Variants in RBFOX1 observed in about 807,000 individuals in gnomAD.
RBFOX1 encodes the protein RNA binding fox-1 homolog 1.
In RBFOX1, 8 loss-of-function variants were observed where a neutral mutation model predicts 57.7. The observed-to-expected ratio is 0.14, with a 90% CI of 0.08 to 0.25. The LOEUF (loss-of-function observed/expected upper bound fraction) is 0.25. Among genes scored for constraint, RBFOX1 ranks in the 10% least tolerant of loss-of-function variants. The probability of loss-of-function intolerance (pLI) is 1.00; values close to 1 mark genes in which losing one functional copy is unlikely to be tolerated. For missense variants in RBFOX1, 611 were observed against 548.5 expected, an observed-to-expected ratio of 1.11 and a Z score of -1.14; for synonymous variants, 326 against 222.4, an observed-to-expected ratio of 1.47 and a Z score of -4.15.
intron 3 of RBFOX1, among the ~76,000 whole-genome samples, chr16:5,777,886 C>T (rs918813101): frequency 6.6e-6 from 1 of 152,176 alleles, no homozygotes; most frequent in Non-Finnish European, 1.5e-5. Context: ...AAGTAGGCAT[C>T]TCTTCCATTT....
intron 4 of RBFOX1, among the ~76,000 whole-genome samples, chr16:7,123,441 T>C (rs887202832): frequency 8.5e-5 from 13 of 152,188 alleles, no homozygotes; most frequent in Non-Finnish European, 1.9e-4. Flanking sequence ...TACAGCTCAC[T>C]GTAACCTTGA....
At chr16:7,414,328 A>C (rs2149188019) in intron 4 of RBFOX1, among the ~76,000 whole-genome samples, 1 of 152,346 alleles carries the variant, frequency 6.6e-6, no homozygotes, top group Non-Finnish European at 1.5e-5. Flanking sequence ...AGTGGTACAA[A>C]GTTGGAGTAA....
chr16:5,278,121 A>C (rs1596372775), intron 1 of RBFOX1, among the ~76,000 whole-genome samples: 1 of 152,330 alleles, frequency 6.6e-6, no homozygotes, highest in East Asian at 1.9e-4. Flanking sequence ...CATTGCCACC[A>C]ACAATATACA....
intron 1 of RBFOX1, among the ~76,000 whole-genome samples, chr16:6,145,515 G>T (rs1409612672): frequency 6.6e-6 from 1 of 151,886 alleles, no homozygotes; most frequent in East Asian, 1.9e-4. Context: ...GTGTGTCTTT[G>T]TATTATAATG....
At chr16:5,778,683 C>G (rs13332613) in intron 3 of RBFOX1, among the ~76,000 whole-genome samples, 41,637 of 152,042 alleles carry the variant, frequency 0.27, 6,159 homozygotes, top group East Asian at 0.55. Flanking sequence ...GCGTGGCCAT[C>G]TCATACTATT....
intron 2 of RBFOX1, among the ~76,000 whole-genome samples, chr16:6,412,410 C>G (rs1158184469): frequency 1.3e-5 from 2 of 152,168 alleles, no homozygotes; most frequent in Admixed American, 1.3e-4. Flanking sequence ...ATTAGTCTCT[C>G]TGGTTGATAG....
chr16:6,858,330 T>G (rs936655928), intron 3 of RBFOX1, among the ~76,000 whole-genome samples: 1 of 152,174 alleles, frequency 6.6e-6, no homozygotes, highest in African/African-American at 2.4e-5. Context: ...TAGCTTAGGA[T>G]TTTCATCTAA....
At chr16:7,485,543 C>G (rs2065152388) in intron 4 of RBFOX1, among the ~76,000 whole-genome samples, 1 of 152,146 alleles carries the variant, frequency 6.6e-6, no homozygotes, top group Non-Finnish European at 1.5e-5. Flanking sequence ...TGGCCTTTGT[C>G]TTGGGCTGAA....
intron 2 of RBFOX1, among the ~76,000 whole-genome samples, chr16:6,328,956 C>G (rs762618940): frequency 7.2e-5 from 11 of 152,042 alleles, no homozygotes; most frequent in East Asian, 1.9e-4. Flanking sequence ...AATCAGATGT[C>G]TATGTGAAAG....
intron 12 of RBFOX1, 66 bp from the exon 13 acceptor site, chr16:7,664,863 G>A (rs2068768630): frequency 1.2e-6 from 2 of 1,613,532 alleles, no homozygotes; most frequent in African/African-American, 1.3e-5. Flanking sequence ...CCAGTGCAGG[G>A]GTTGGTGTGT....
At chr16:7,439,459 C>A (rs1393570624) in intron 4 of RBFOX1, among the ~76,000 whole-genome samples, 1 of 152,038 alleles carries the variant, frequency 6.6e-6, no homozygotes, top group Non-Finnish European at 1.5e-5. Context: ...TTGTATTCTT[C>A]TTGTCTGGAC....
chr16:6,354,840 T>A (rs1199704767), intron 2 of RBFOX1, among the ~76,000 whole-genome samples: 6 of 152,178 alleles, frequency 3.9e-5, no homozygotes, highest in African/African-American at 1.4e-4. Flanking sequence ...ACTGAAGGAA[T>A]CAGTGAATGA....
At chr16:6,293,410 C>T (rs1417582536) in intron 1 of RBFOX1, among the ~76,000 whole-genome samples, 1 of 151,202 alleles carries the variant, frequency 6.6e-6, no homozygotes, top group Non-Finnish European at 1.5e-5. Flanking sequence ...ATTCCTATCG[C>T]TCTGCCCGGG....
At position 7,419,040 on chromosome 16, in the gene RBFOX1, G is replaced by A. The variant is rs899804902; in HGVS notation, c.28-99107G>A. 3.3e-5 allele frequency among the ~76,000 whole-genome samples: 5 copies of A among 152,228 alleles called. No individual in the cohort carries two copies. The East Asian group carries it at 9.7e-4, about 29-fold the overall frequency. Reference sequence around the variant, plus strand: ...ACACTTCAGCCCCTGGAGTAGCTGGGACTACAGGTGTTCGTCACCACGCCC... The same window carrying A: ...ACACTTCAGCCCCTGGAGTAGCTGGAACTACAGGTGTTCGTCACCACGCCC... On this transcript the variant is annotated intron_variant, in intron 4 of 15. Transcript: ENST00000550418.
chr16:5,522,686 C>T (rs2044067914), intron 2 of RBFOX1, among the ~76,000 whole-genome samples: 1 of 152,180 alleles, frequency 6.6e-6, no homozygotes, highest in Non-Finnish European at 1.5e-5. Context: ...TCTCCACTCC[C>T]CCTCACCCAG....
intron 4 of RBFOX1, among the ~76,000 whole-genome samples, chr16:7,095,872 G>C (rs1227516056): frequency 6.6e-6 from 1 of 151,922 alleles, no homozygotes; most frequent in Non-Finnish European, 1.5e-5. Context: ...AATTAGCCAG[G>C]CGTGGTGGCG....
chr16:7,410,631 T>A lies in RBFOX1; in HGVS notation c.28-107516T>A, dbSNP rs574471640. ...GGCAGAGGTTGCAGTGAGCCAAGATTGTGCCATTGCACTCCAGCCTGGACA... is the reference window on the plus strand; with the variant it reads ...GGCAGAGGTTGCAGTGAGCCAAGATAGTGCCATTGCACTCCAGCCTGGACA... On this transcript the variant is annotated intron_variant, in intron 4 of 15. Coordinates refer to ENST00000550418, the MANE Select transcript of RBFOX1 (RefSeq NM_018723.4). 3.0e-4 allele frequency among the ~76,000 whole-genome samples: 45 copies of A among 152,248 alleles called. 1 individual carries two copies. The highest frequency in any genetic ancestry group is 1.5e-5 in the Non-Finnish European group (1 of 68,014).
chr16:7,489,758 T>G (rs538029221), intron 4 of RBFOX1, among the ~76,000 whole-genome samples: 3 of 152,058 alleles, frequency 2.0e-5, no homozygotes, highest in Non-Finnish European at 4.4e-5. Flanking sequence ...TGGCCTCAAG[T>G]GATCCTCCCA....
At chr16:7,078,466 G>C (rs867755875) in intron 4 of RBFOX1, among the ~76,000 whole-genome samples, 2 of 151,218 alleles carry the variant, frequency 1.3e-5, no homozygotes, top group East Asian at 2.0e-4. Context: ...TCCTACCTCA[G>C]TCTCCCGAGT....
Sources: gnomAD v4.1 joint callset for allele counts (sites outside exome capture counted in the v4.1 genomes callset) on GRCh38, gnomAD v4.1.1 for gene constraint, MANE v1.5 for transcripts, NCBI Gene and HGNC (gene_info 2026-07-23, HGNC 2026-07-21) for gene names.